The following L3MBTL4 variants were observed in gnomAD, a reference collection of about 807,000 sequenced individuals.
The protein encoded by L3MBTL4 is L3MBTL histone methyl-lysine binding protein 4, also known as lethal(3)malignant brain tumor-like protein 4.
In L3MBTL4, 70 loss-of-function variants were observed where a neutral mutation model predicts 84.5. The observed-to-expected ratio is 0.83, with a 90% CI of 0.68 to 1.01. The LOEUF is 1.01. L3MBTL4 is among the 50% of genes least tolerant of loss of function. L3MBTL4 has a pLI of 0.00. For missense variants in L3MBTL4, 715 were observed against 754.8 expected (o/e 0.95, Z 0.62); for synonymous variants, 274 against 259.8 (o/e 1.05, Z -0.52).
At chr18:6,274,234 A>T (rs1270391657) in intron 4 of L3MBTL4, among the ~76,000 whole-genome samples, 1 of 152,236 alleles carries the variant, frequency 6.6e-6, no homozygotes, top group Non-Finnish European at 1.5e-5. Flanking sequence ...ATTTGGGAGC[A>T]TCAGTGAAAA....
chr18:6,166,247 G>A lies in L3MBTL4; in HGVS notation c.1096+5581C>T, dbSNP rs567932777. On this transcript the variant is annotated intron_variant, in intron 13 of 18. Transcript: ENST00000317931. ...TAATAATGGGAGACTTTAACACCCC[G>A]CTGTCAACATTAGACAGATCAATGA... Among the ~76,000 whole-genome samples, 51 of 152,124 alleles carry A rather than the reference G, an allele frequency of 3.4e-4. 1 individual carries two copies. In the South Asian group the frequency reaches 8.1e-3, roughly 24 times the overall value.
intron 16 of L3MBTL4, among the ~76,000 whole-genome samples, chr18:6,015,725 G>A (rs1482322200): frequency 3.3e-5 from 5 of 152,152 alleles, no homozygotes; most frequent in South Asian, 2.1e-4. Flanking sequence ...TTGGGAGGCC[G>A]AGGTAGGAGA....
intron 1 of L3MBTL4, among the ~76,000 whole-genome samples, chr18:6,332,276 C>T (rs780567781): frequency 3.3e-5 from 5 of 152,202 alleles, no homozygotes; most frequent in Non-Finnish European, 7.3e-5. Flanking sequence ...AACTATCCTC[C>T]TCTTGGTTAA....
At chr18:6,001,145 C>CA (rs2054193967) in intron 16 of L3MBTL4, among the ~76,000 whole-genome samples, 1 of 152,214 alleles carries the variant, frequency 6.6e-6, no homozygotes, top group Non-Finnish European at 1.5e-5. Flanking sequence ...CCTTGTCCTC[C>CA]AAATATTGAG....
intron 1 of L3MBTL4, among the ~76,000 whole-genome samples, chr18:6,369,236 A>G (rs1374167853): frequency 6.6e-6 from 1 of 152,094 alleles, no homozygotes; most frequent in Non-Finnish European, 1.5e-5. Flanking sequence ...AAAGACAGAA[A>G]TCAGCCATCT....
At chr18:6,379,347 A>G (rs2054503488) in intron 1 of L3MBTL4, among the ~76,000 whole-genome samples, 1 of 152,134 alleles carries the variant, frequency 6.6e-6, no homozygotes, top group Non-Finnish European at 1.5e-5. Flanking sequence ...AGAACTTCCA[A>G]TACTATGTTG....
intron 12 of L3MBTL4, among the ~76,000 whole-genome samples, chr18:6,179,050 C>T (rs1176095042): frequency 3.3e-5 from 5 of 152,148 alleles, no homozygotes; most frequent in South Asian, 4.1e-4. Flanking sequence ...AATTGGAAGA[C>T]GAGGAAGTTA....
At chr18:6,197,834 A>G (rs531518877) in intron 12 of L3MBTL4, among the ~76,000 whole-genome samples, 92 of 152,204 alleles carry the variant, frequency 6.0e-4, no homozygotes, top group Non-Finnish European at 1.2e-3. Context: ...CTCATTTGCT[A>G]TCACTGCTGC....
intron 1 of L3MBTL4, among the ~76,000 whole-genome samples, chr18:6,326,935 C>T (rs966001676): frequency 6.6e-6 from 1 of 152,138 alleles, no homozygotes; most frequent in Admixed American, 6.5e-5. Flanking sequence ...GTAATAACTA[C>T]ATACATGATC....
chr18:5,988,691 T>A (rs2053565170), intron 16 of L3MBTL4, among the ~76,000 whole-genome samples: 1 of 152,162 alleles, frequency 6.6e-6, no homozygotes, highest in Non-Finnish European at 1.5e-5. Flanking sequence ...TTTTGACACA[T>A]TTCACTTTTC....
chr18:6,268,035 T>C (rs553030041), intron 4 of L3MBTL4, among the ~76,000 whole-genome samples: 2 of 152,182 alleles, frequency 1.3e-5, no homozygotes, highest in African/African-American at 4.8e-5. Flanking sequence ...GAATATAAGC[T>C]TCTAAAAAGG....
At chr18:6,400,560 C>G (rs1310353785) in intron 1 of L3MBTL4, among the ~76,000 whole-genome samples, 1 of 152,138 alleles carries the variant, frequency 6.6e-6, no homozygotes, top group Non-Finnish European at 1.5e-5. Context: ...CAGGCGCATG[C>G]CACCATGCCT....
At chr18:6,338,503 G>C (rs972063058) in intron 1 of L3MBTL4, among the ~76,000 whole-genome samples, 2 of 151,986 alleles carry the variant, frequency 1.3e-5, no homozygotes, top group East Asian at 3.9e-4. Flanking sequence ...GCAACAAATT[G>C]TTTCATATAA....
intron 12 of L3MBTL4, among the ~76,000 whole-genome samples, chr18:6,196,818 T>C (rs1407574900): frequency 6.6e-6 from 1 of 152,198 alleles, no homozygotes; most frequent in East Asian, 1.9e-4. Context: ...TTTGAGACCC[T>C]GGATTCAGCT....
At chr18:6,295,023 C>CA (rs1253819777) in intron 4 of L3MBTL4, among the ~76,000 whole-genome samples, 1 of 151,982 alleles carries the variant, frequency 6.6e-6, no homozygotes, top group Non-Finnish European at 1.5e-5. Context: ...CTTGTAATCC[C>CA]AGCATTTTGG....
chr18:6,169,087 G>A (rs539899404), intron 13 of L3MBTL4, among the ~76,000 whole-genome samples: 20 of 152,210 alleles, frequency 1.3e-4, no homozygotes, highest in Admixed American at 9.2e-4. Flanking sequence ...ACTGCTTATC[G>A]TCACTGGTCA....
At chr18:6,185,969 A>ATTTATTT in intron 12 of L3MBTL4, among the ~76,000 whole-genome samples, 1 of 139,878 alleles carries the variant, frequency 7.1e-6, no homozygotes, top group African/African-American at 2.8e-5. Flanking sequence ...TCTTTATTTT[A>ATTTATTT]TTTTATTTTA....
intron 1 of L3MBTL4, among the ~76,000 whole-genome samples, chr18:6,390,175 T>C (rs2054987539): frequency 6.6e-6 from 1 of 151,978 alleles, no homozygotes; most frequent in Non-Finnish European, 1.5e-5. Context: ...TATATATATA[T>C]ACATATACAC....
At chr18:6,114,478 C>A (rs189254899) in intron 14 of L3MBTL4, among the ~76,000 whole-genome samples, 1 of 152,250 alleles carries the variant, frequency 6.6e-6, no homozygotes, top group East Asian at 1.9e-4. Context: ...ATTTTGTATA[C>A]TTTCAACATT....
Sources: allele counts gnomAD v4.1 joint callset (sites outside exome capture counted in the v4.1 genomes callset), GRCh38; gene constraint gnomAD v4.1.1; transcripts MANE v1.5; gene names NCBI Gene and HGNC (gene_info 2026-07-23, HGNC 2026-07-21).